ITGA2: variants seen among roughly 807,000 people sequenced by gnomAD.
ITGA2 encodes the protein integrin subunit alpha 2.
In ITGA2, 101 loss-of-function variants were observed where a neutral mutation model predicts 146.3. The ratio of observed to expected loss-of-function variants is 0.69; its 90% CI spans 0.59 to 0.81. The LOEUF is 0.81. Among genes scored for constraint, ITGA2 ranks in the 40% least tolerant of loss-of-function variants. ITGA2 has a pLI of 0.00. For missense variants in ITGA2, 1,281 were observed against 1,402.7 expected (o/e 0.91, Z 1.39); for synonymous variants, 477 against 487.1 (o/e 0.98, Z 0.27).
At chr5:53,084,158 A>G (rs920293286) in intron 27 of ITGA2, among the ~76,000 whole-genome samples, 7 of 152,238 alleles carry the variant, frequency 4.6e-5, no homozygotes, top group Admixed American at 6.5e-5. Context: ...ATGAAAAAAT[A>G]TAAGGATAGA....
rs1311606029 is a variant in ITGA2, at chr5:53,051,517, G to T, written c.737G>T (p.Gly246Val). The T allele has an allele frequency of 6.2e-6, 10 of 1,613,530 alleles. No homozygotes were observed. The highest frequency in any genetic ancestry group is 1.3e-5 in the African/African-American group (1 of 74,866). ...IVATSQTSQY[G>V]GDLTNTFGAI... is the part of the protein sequence containing the mutation. ...GCAACATCCCAGACATCCCAATATG[G>T]TGGGGACCTCACAAACACATTCGGA... is the stretch of plus-strand genomic sequence containing the variant. The change falls in exon 7 of 30, where the codon GGT becomes GTT. Residue 246 changes from glycine to valine, a missense_variant. This residue lies in a region of ITGA2 where 795 missense variants were observed against 841.7 expected (regional missense o/e 0.94). Coordinates refer to ENST00000296585, the MANE Select transcript of ITGA2 (RefSeq NM_002203.4).
At chr5:53,072,147 T>G in intron 18 of ITGA2, 99 bp downstream of exon 18, 1 of 830,150 alleles carries the variant, frequency 1.2e-6, no homozygotes, top group Non-Finnish European at 2.0e-6. Flanking sequence ...GCCTGAAAAT[T>G]CTTAATTTTC....
At position 53,073,194 on chromosome 5, in the gene ITGA2, G is replaced by A. The variant is rs1238074090; in HGVS notation, c.2506G>A (p.Ala836Thr). Reference protein sequence around the residue: ...SVTLKNKRESAYNTGIVVDFS... With the variant: ...SVTLKNKRESTYNTGIVVDFS... ...AACGCTGAAAAATAAAAGGGAAAGT[G>A]CATACAACACTGGAATTGTTGTTGA... The change falls in exon 20 of 30, where the codon GCA (alanine) becomes ACA (threonine). Residue 836 changes from alanine to threonine, a missense_variant. Coordinates refer to ENST00000296585, the MANE Select transcript of ITGA2 (RefSeq NM_002203.4). The A allele has an allele frequency of 1.2e-6, 2 of 1,612,288 alleles. No individual in the cohort carries two copies. The highest frequency in any genetic ancestry group is 1.1e-5 in the South Asian group (1 of 91,064).
intron 1 of ITGA2, among the ~76,000 whole-genome samples, chr5:53,008,955 G>T (rs986839948): frequency 2.0e-5 from 3 of 152,162 alleles, no homozygotes; most frequent in Non-Finnish European, 4.4e-5. Context: ...GCACGAGTAT[G>T]AGCATGTGTC....
intron 1 of ITGA2, among the ~76,000 whole-genome samples, chr5:53,019,878 C>T (rs1266382876): frequency 6.6e-6 from 1 of 152,114 alleles, no homozygotes; most frequent in Non-Finnish European, 1.5e-5. Context: ...AGTAGTAATG[C>T]TGGCATATTA....
chr5:53,060,086 G>C, intron 11 of ITGA2, 74 bp downstream of exon 11: 1 of 1,459,970 alleles, frequency 6.8e-7, no homozygotes, highest in Non-Finnish European at 9.6e-7. Flanking sequence ...TGAATCTCAG[G>C]GTGAGTTCAG....
At chr5:53,056,719 AAATAATTTACTT>A (rs1744650312) in intron 9 of ITGA2, among the ~76,000 whole-genome samples, 1 of 151,954 alleles carries the variant, frequency 6.6e-6, no homozygotes, top group Non-Finnish European at 1.5e-5. Flanking sequence ...ATAGGACCTA[AAATAATTTACTT>A]AGGTGGCCTT....
Position 53,074,419 on chromosome 5 carries a change from C to A in ITGA2, c.2606C>A (p.Ala869Glu), listed in dbSNP as rs756823471. The change falls in exon 21 of 30, where the codon GCA (alanine) becomes GAA (glutamate). Residue 869 changes from alanine to glutamate, a missense_variant. Ala to Glu is a moderately radical substitution (Grantham distance 107). This residue lies in a region of ITGA2 where 475 missense variants were observed against 530.5 expected (regional missense o/e 0.90). Coordinates refer to ENST00000296585, the MANE Select transcript of ITGA2 (RefSeq NM_002203.4). ...DGTEVTCQVA[A>E]SQKSVACDVG... ...ACAGAAGTAACATGCCAGGTGGCTG[C>A]ATCTCAGAAGTCTGTTGCCTGCGAT... 1 of 1,612,404 alleles carries A rather than the reference C, an allele frequency of 6.2e-7. No homozygotes were observed. Among genetic ancestry groups the A allele is most frequent in the East Asian group, 2.2e-5 (1 of 44,790 alleles).
rs147870350 is a variant in ITGA2, at chr5:53,011,316, A to G, written c.65-15432A>G. ...AATTTTCTTCCTTAACTTTCCCACAAAATCATTCATACAATACCTTTGTGT... is the reference window on the plus strand; with the variant it reads ...AATTTTCTTCCTTAACTTTCCCACAGAATCATTCATACAATACCTTTGTGT... On this transcript the variant is annotated intron_variant, in intron 1 of 29. Coordinates refer to ENST00000296585, the MANE Select transcript of ITGA2 (RefSeq NM_002203.4). Among the ~76,000 whole-genome samples, 4 of 152,256 alleles carry G rather than the reference A, an allele frequency of 2.6e-5. No individual in the cohort carries two copies. The East Asian group carries it at 7.7e-4, about 29-fold the overall frequency.
chr5:53,086,479 A>C (rs1746162397), intron 27 of ITGA2, among the ~76,000 whole-genome samples: 1 of 152,186 alleles, frequency 6.6e-6, no homozygotes, highest in Non-Finnish European at 1.5e-5. Context: ...AAGTTCTCTT[A>C]CCTTTTAAAT....
At chr5:53,062,707 G>A in intron 12 of ITGA2, 79 bp from the exon 13 acceptor site, 2 of 1,461,320 alleles carry the variant, frequency 1.4e-6, no homozygotes, top group East Asian at 4.6e-5. Context: ...TGTATTGAAT[G>A]AGCAAGTAAA....
chr5:53,037,287 A>C (rs1743537076), intron 2 of ITGA2, among the ~76,000 whole-genome samples: 1 of 152,256 alleles, frequency 6.6e-6, no homozygotes. Flanking sequence ...GTTTCACTGG[A>C]GGAAAAGAAA....
intron 1 of ITGA2, among the ~76,000 whole-genome samples, chr5:53,008,004 A>G (rs1741941100): frequency 6.6e-6 from 1 of 152,150 alleles, no homozygotes; most frequent in Non-Finnish European, 1.5e-5. Flanking sequence ...GCATAAATGT[A>G]TGGACAGAAT....
In ITGA2 at chr5:53,090,676, T is replaced by C; in HGVS notation, c.*77T>C. Reference sequence around the variant, plus strand: ...CTGTTTGCGTGAATGGATTTCTTTTTAAATCCCATATTTTTTTTATCATGT... The same window carrying C: ...CTGTTTGCGTGAATGGATTTCTTTTCAAATCCCATATTTTTTTTATCATGT... On this transcript the variant is annotated 3_prime_UTR_variant, in exon 30 of 30. Transcript: ENST00000296585. 8.9e-7 allele frequency: 1 copy of C among 1,128,152 alleles called. No homozygotes were observed. The highest frequency in any genetic ancestry group is 1.3e-5 in the South Asian group (1 of 79,810). 69.9% of individuals were successfully genotyped at this position (1,128,152 alleles called of 1,614,324 possible).
intron 1 of ITGA2, among the ~76,000 whole-genome samples, chr5:52,996,880 C>T (rs1336448963): frequency 6.6e-6 from 1 of 152,174 alleles, no homozygotes. Context: ...ATAACAGTCT[C>T]ATATATCACA....
chr5:53,066,066 C>T (rs1745136764), intron 15 of ITGA2, 89 bp downstream of exon 15: 3 of 1,186,578 alleles, frequency 2.5e-6, no homozygotes, highest in Non-Finnish European at 3.8e-6. Flanking sequence ...ATAGAAATGC[C>T]ACATGCATTC....
At chr5:53,033,175 A>C (rs1034401248) in intron 2 of ITGA2, among the ~76,000 whole-genome samples, 1 of 152,158 alleles carries the variant, frequency 6.6e-6, no homozygotes, top group African/African-American at 2.4e-5. Flanking sequence ...AGGCTGAGGC[A>C]GGAGAATCAC....
In ITGA2 at chr5:53,073,232, C is replaced by T. The variant is rs925545577; in HGVS notation, c.2544C>T (p.Asn848=). The change falls in exon 20 of 30, where the codon AAC becomes AAT. Residue 848 remains asparagine (N), a synonymous_variant. Coordinates refer to ENST00000296585, the MANE Select transcript of ITGA2 (RefSeq NM_002203.4). ...NTGIVVDFSE[N]LFFASFSLPV... is the part of the protein sequence containing the mutation. ...GAATTGTTGTTGATTTTTCAGAAAA[C>T]TTGTTTTTTGCATCATTCTCCCTGC... is the stretch of plus-strand genomic sequence containing the variant. The T allele has an allele frequency of 6.2e-7, 1 of 1,612,264 alleles. No homozygotes were observed. Among genetic ancestry groups the T allele is most frequent in the Non-Finnish European group, 8.5e-7 (1 of 1,178,838 alleles).
At chr5:52,999,207 G>T (rs1383705200) in intron 1 of ITGA2, among the ~76,000 whole-genome samples, 1 of 151,932 alleles carries the variant, frequency 6.6e-6, no homozygotes, top group Non-Finnish European at 1.5e-5. Flanking sequence ...CATTCTTTAA[G>T]ATTACCTTCT....
Sources: allele counts gnomAD v4.1 joint callset (sites outside exome capture counted in the v4.1 genomes callset), GRCh38; gene constraint gnomAD v4.1.1; regional missense constraint gnomAD v4.1.1; transcripts MANE v1.5; gene names NCBI Gene and HGNC (gene_info 2026-07-23, HGNC 2026-07-21).